Variants in SLIT2 observed in about 807,000 individuals in gnomAD.
SLIT2 encodes the protein slit homolog 2 protein.
A neutral mutation model predicts 185.7 loss-of-function variants in SLIT2; 41 were observed. The ratio of observed to expected loss-of-function variants is 0.22; its 90% CI spans 0.17 to 0.29. SLIT2 has a LOEUF of 0.29. Among genes scored for constraint, SLIT2 ranks in the 10% least tolerant of loss-of-function variants. The probability of loss-of-function intolerance (pLI) is 1.00; values close to 1 mark genes in which losing one functional copy is unlikely to be tolerated. For synonymous variants in SLIT2, 693 were observed against 680.2 expected (o/e 1.02, Z -0.29); for missense variants, 1,571 against 1,909.0 (o/e 0.82, Z 3.30).
At chr4:20,403,413 G>A (rs909702118) in intron 4 of SLIT2, among the ~76,000 whole-genome samples, 2 of 151,866 alleles carry the variant, frequency 1.3e-5, no homozygotes, top group Non-Finnish European at 2.9e-5. Flanking sequence ...AACCTCCGTT[G>A]CTGGGGCATT....
At chr4:20,618,226 C>T (rs190587817) in intron 36 of SLIT2, among the ~76,000 whole-genome samples, 25 of 152,252 alleles carry the variant, frequency 1.6e-4, no homozygotes, top group African/African-American at 4.8e-4. Flanking sequence ...CCAGCTGGCA[C>T]GGATTTTGTT....
At chr4:20,503,761 GA>G (rs1718954402) in intron 9 of SLIT2, among the ~76,000 whole-genome samples, 2 of 152,012 alleles carry the variant, frequency 1.3e-5, no homozygotes, top group Non-Finnish European at 1.5e-5. Context: ...AACACCAATT[GA>G]ATTTACACTC....
At chr4:20,296,482 G>A (rs919753740) in intron 4 of SLIT2, among the ~76,000 whole-genome samples, 2 of 152,180 alleles carry the variant, frequency 1.3e-5, no homozygotes, top group Non-Finnish European at 2.9e-5. Flanking sequence ...AAGTTTCCAA[G>A]TACAAGGGGT....
At chr4:20,364,698 G>A (rs2109302314) in intron 4 of SLIT2, among the ~76,000 whole-genome samples, 1 of 133,710 alleles carries the variant, frequency 7.5e-6, no homozygotes, top group Admixed American at 7.2e-5. Flanking sequence ...GAAAAGCCAG[G>A]TGTTTTCAGT....
intron 4 of SLIT2, among the ~76,000 whole-genome samples, chr4:20,345,088 G>A (rs1168525319): frequency 6.6e-6 from 1 of 152,084 alleles, no homozygotes; most frequent in Admixed American, 6.6e-5. Flanking sequence ...TAATATTTTT[G>A]TGAAATAATA....
At chr4:20,502,782 A>G (rs1021679760) in intron 9 of SLIT2, among the ~76,000 whole-genome samples, 12 of 152,344 alleles carry the variant, frequency 7.9e-5, no homozygotes, top group African/African-American at 2.4e-4. Flanking sequence ...ATATGAGGGA[A>G]ATTTTCTAGC....
At chr4:20,341,802 C>T (rs1720984866) in intron 4 of SLIT2, among the ~76,000 whole-genome samples, 2 of 152,142 alleles carry the variant, frequency 1.3e-5, no homozygotes, top group Non-Finnish European at 2.9e-5. Context: ...ATAATTATAG[C>T]TTCTTTAGGT....
At chr4:20,398,746 A>G (rs187104469) in intron 4 of SLIT2, among the ~76,000 whole-genome samples, 247 of 151,826 alleles carry the variant, frequency 1.6e-3, no homozygotes, top group Admixed American at 0.014. Context: ...TCATTTGCTT[A>G]TGTGTGGATT....
At chr4:20,362,792 T>A (rs926868549) in intron 4 of SLIT2, among the ~76,000 whole-genome samples, 2 of 152,036 alleles carry the variant, frequency 1.3e-5, no homozygotes, top group Non-Finnish European at 2.9e-5. Context: ...TCAAAGACTT[T>A]GCTTTGTTGT....
chr4:20,305,594 C>T (rs995376782), intron 4 of SLIT2, among the ~76,000 whole-genome samples: 16 of 151,902 alleles, frequency 1.1e-4, no homozygotes, highest in African/African-American at 3.6e-4. Context: ...CAATCCTGAC[C>T]GGGCATGGTG....
At chr4:20,386,221 G>A (rs1415128940) in intron 4 of SLIT2, among the ~76,000 whole-genome samples, 1 of 152,130 alleles carries the variant, frequency 6.6e-6, no homozygotes, top group African/African-American at 2.4e-5. Flanking sequence ...CCCACAAAGA[G>A]CAGATTAAAA....
At chr4:20,554,697 T>C (rs2148896608) in intron 26 of SLIT2, among the ~76,000 whole-genome samples, 1 of 152,150 alleles carries the variant, frequency 6.6e-6, no homozygotes, top group Middle Eastern at 3.4e-3. Flanking sequence ...TTAGGTTCCT[T>C]ATAAAAAGTG....
intron 4 of SLIT2, among the ~76,000 whole-genome samples, chr4:20,377,852 G>A (rs548329492): frequency 6.6e-5 from 10 of 152,126 alleles, no homozygotes; most frequent in Non-Finnish European, 1.0e-4. Context: ...TTCATACAAC[G>A]AGTAGCAAAA....
rs1234523589 is a variant in SLIT2 at position 20,492,549 on chromosome 4, A to T, written c.914+650A>T. 2.0e-5 allele frequency among the ~76,000 whole-genome samples: 3 copies of T among 152,240 alleles called. No individual in the cohort carries two copies. The East Asian group carries it at 5.8e-4, about 29-fold the overall frequency. On this transcript the variant is annotated intron_variant, in intron 9 of 36. Coordinates refer to ENST00000504154, the MANE Select transcript of SLIT2 (RefSeq NM_004787.4). ...TAAGTCATGTGGATAAAACAAGGTC[A>T]CATAAGATGTAAAATGGAATGCTTT...
At chr4:20,582,336 C>G (rs568803997) in intron 29 of SLIT2, among the ~76,000 whole-genome samples, 5 of 152,334 alleles carry the variant, frequency 3.3e-5, no homozygotes, top group African/African-American at 1.2e-4. Context: ...TCAGAGGAAA[C>G]AGTCCCTTTC....
rs112128066 is a variant in SLIT2 at position 20,583,033 on chromosome 4, C to T, written c.3089-6611C>T. Among the ~76,000 whole-genome samples the T allele has an allele frequency of 1.8e-3, 275 of 152,250 alleles. 1 individual carries two copies. The highest frequency in any genetic ancestry group is 6.8e-3 in the Middle Eastern group (2 of 294). ...CAGAACTCATGCAATTCAAGACTTA[C>T]GAATTGTTTATTTCTGGAATTTTCC... is the stretch of plus-strand genomic sequence containing the variant. On this transcript the variant is annotated intron_variant, in intron 29 of 36. Transcript: ENST00000504154.
chr4:20,564,308 A>G (rs1724921445), intron 26 of SLIT2, among the ~76,000 whole-genome samples: 1 of 151,612 alleles, frequency 6.6e-6, no homozygotes, highest in Admixed American at 6.6e-5. Flanking sequence ...AGCCAGATGC[A>G]AAGAATATTA....
Position 20,480,744 on chromosome 4 carries a change from A to G in SLIT2, c.496A>G (p.Ile166Val), listed in dbSNP as rs1027289063. 8 of 1,613,552 alleles carry G rather than the reference A, an allele frequency of 5.0e-6. No homozygotes were observed. The highest frequency in any genetic ancestry group is 1.7e-4 in the Middle Eastern group (1 of 6,058). The change falls in exon 6 of 37, where the codon ATT becomes GTT. Residue 166 changes from isoleucine (I) to valine (V), a missense_variant. Physicochemically the swap from Ile to Val is conservative, Grantham distance 29. This residue lies in a region of SLIT2 where 1,202 missense variants were observed against 1,416.4 expected (regional missense o/e 0.85). Transcript: ENST00000504154. Reference protein sequence around the residue: ...LQLDYNQISCIEDGAFRALRD... With the variant: ...LQLDYNQISCVEDGAFRALRD... Reference sequence around the variant, plus strand: ...ACTGGATTACAACCAGATCAGCTGTATTGAAGATGGGGCATTCAGGGCTCT... The same window carrying G: ...ACTGGATTACAACCAGATCAGCTGTGTTGAAGATGGGGCATTCAGGGCTCT...
At chr4:20,594,028 A>C (rs116043733) in intron 30 of SLIT2, among the ~76,000 whole-genome samples, 1 of 148,910 alleles carries the variant, frequency 6.7e-6, no homozygotes, top group Non-Finnish European at 1.5e-5. Context: ...GTGTGTATAT[A>C]TGTGTATATA....
Sources: gnomAD v4.1 joint callset for allele counts (sites outside exome capture counted in the v4.1 genomes callset) on GRCh38, gnomAD v4.1.1 for gene constraint, gnomAD v4.1.1 regional missense constraint, MANE v1.5 for transcripts, NCBI Gene and HGNC (gene_info 2026-07-23, HGNC 2026-07-21) for gene names.